Variants in TMEM237 observed in about 807,000 individuals in gnomAD.
TMEM237 encodes amyotrophic lateral sclerosis 2 (juvenile) chromosome region, candidate 4.
In TMEM237, 51 loss-of-function variants were observed where a neutral mutation model predicts 59.1. The observed-to-expected ratio is 0.86, with a 90% CI of 0.69 to 1.09. The LOEUF (loss-of-function observed/expected upper bound fraction) is 1.09, where lower values mean the gene tolerates loss of function less well. Among genes scored for constraint, TMEM237 ranks in the 50% least tolerant of loss-of-function variants. The pLI, the probability that TMEM237 is intolerant of heterozygous loss-of-function variation, is 0.00. For synonymous variants in TMEM237, 140 were observed against 166.1 expected (o/e 0.84, Z 1.21); for missense variants, 475 against 478.3 (o/e 0.99, Z 0.06).
Position 201,643,309 on chromosome 2 carries a change from T to C in TMEM237, c.42+50A>G. 2.1e-6 allele frequency: 3 copies of C among 1,431,874 alleles called. No homozygotes were observed. The highest frequency in any genetic ancestry group is 2.9e-6 in the Non-Finnish European group (3 of 1,049,882). The allele number at this position is 1,431,874 out of a possible 1,614,324, so 88.7% of individuals were successfully genotyped here. ...ACACACCCACCCCCACTGCCAAGTGTAGCTGTTTACCCGCCACCTCTCGAG... is the reference window on the plus strand; with the variant it reads ...ACACACCCACCCCCACTGCCAAGTGCAGCTGTTTACCCGCCACCTCTCGAG... On this transcript the variant is annotated intron_variant, in intron 1 of 12. Transcript: ENST00000409883. This position sits in a 1 kb window ranked among gnomAD's most constrained non-coding sequence, Gnocchi z 4.3.
At chr2:201,634,176 T>C (rs191966074) in intron 5 of TMEM237, among the ~76,000 whole-genome samples, 10 of 152,326 alleles carry the variant, frequency 6.6e-5, no homozygotes, top group African/African-American at 2.2e-4. Flanking sequence ...TTTCCAAGGA[T>C]AGCAGTCTCA....
intron 7 of TMEM237, 141 bp downstream of exon 7, chr2:201,631,910 T>TC: frequency 1.2e-6 from 1 of 827,912 alleles, no homozygotes. Context: ...CTCTCATGAA[T>TC]CATAGCATGA....
At chr2:201,634,793 C>A in intron 5 of TMEM237, 1 of 359,078 alleles carries the variant, frequency 2.8e-6, no homozygotes, top group South Asian at 2.4e-5. Context: ...TGGCATCCCA[C>A]TTCAACTTGC....
At chr2:201,633,270 G>A (rs764953932) in intron 6 of TMEM237, 41 bp downstream of exon 6, 21 of 1,567,236 alleles carry the variant, frequency 1.3e-5, no homozygotes, top group Non-Finnish European at 1.8e-5. Context: ...AAGCATCAGG[G>A]TAATCCTGGA....
At chr2:201,629,578 A>G in intron 8 of TMEM237, 151 bp downstream of exon 8, 2 of 1,274,694 alleles carry the variant, frequency 1.6e-6, no homozygotes, top group South Asian at 3.3e-5. Context: ...TAGATCACTC[A>G]ATTCCAATAG....
rs375118752 is a variant in TMEM237 at position 201,625,368 on chromosome 2, T to A, written c.1159+658A>T. Among the ~76,000 whole-genome samples, 220 of 145,526 alleles carry A rather than the reference T, an allele frequency of 1.5e-3. 1 individual carries two copies. Among genetic ancestry groups the A allele is most frequent in the African/African-American group, 5.1e-3 (200 of 39,306 alleles). On this transcript the variant is annotated intron_variant, in intron 12 of 12. Transcript: ENST00000409883. ...CACAGCGAGACTCCATCTCCAAAAA[T>A]AAAAAATAAAAAAAAAAAGATATTC...
At chr2:201,638,241 A>ATGTTTTTG (rs1687341668) in intron 4 of TMEM237, among the ~76,000 whole-genome samples, 1 of 152,168 alleles carries the variant, frequency 6.6e-6, no homozygotes, top group African/African-American at 2.4e-5. Flanking sequence ...GATTCCTTTT[A>ATGTTTTTG]TGTTTTTGTT....
chr2:201,643,010 A>G lies in TMEM237; in HGVS notation c.42+349T>C. 1 of 1,291,100 alleles carries G rather than the reference A, an allele frequency of 7.7e-7. No homozygotes were observed. 80.0% of individuals were successfully genotyped at this position (1,291,100 alleles called of 1,614,324 possible). Reference sequence around the variant, plus strand: ...GCGAACAGATCTCTTCTGGGCAGCTACAGACCTCTCCTCGGAGGAGTCTAG... The same window carrying G: ...GCGAACAGATCTCTTCTGGGCAGCTGCAGACCTCTCCTCGGAGGAGTCTAG... On this transcript the variant is annotated intron_variant, in intron 1 of 12. Coordinates refer to ENST00000409883, the MANE Select transcript of TMEM237 (RefSeq NM_001044385.3). This position sits in a 1 kb window ranked among gnomAD's most constrained non-coding sequence, Gnocchi z 4.3.
chr2:201,630,255 A>G (rs1415644661), intron 7 of TMEM237, among the ~76,000 whole-genome samples: 1 of 152,240 alleles, frequency 6.6e-6, no homozygotes, highest in East Asian at 1.9e-4. Context: ...AGGTAAGTCA[A>G]TATTTGAAAA....
chr2:201,638,847 T>G, intron 4 of TMEM237, 142 bp downstream of exon 4: 1 of 820,876 alleles, frequency 1.2e-6, no homozygotes, highest in African/African-American at 1.7e-5. Context: ...ATTCCACTGC[T>G]TCAAACTGGC....
chr2:201,625,462 A>T (rs1452383237), intron 12 of TMEM237, among the ~76,000 whole-genome samples: 4 of 152,216 alleles, frequency 2.6e-5, no homozygotes, highest in Non-Finnish European at 5.9e-5. Context: ...CAGTTCCTCA[A>T]GCAGCATAAA....
chr2:201,642,776 G>A (rs961443479), intron 1 of TMEM237: 18 of 1,430,428 alleles, frequency 1.3e-5, no homozygotes, highest in Non-Finnish European at 1.6e-5. Context: ...GGATGTTGCG[G>A]TGAGAGGCGT....
chr2:201,634,800 T>C (rs967854373), intron 5 of TMEM237: 6 of 380,028 alleles, frequency 1.6e-5, no homozygotes, highest in Admixed American at 9.2e-5. Context: ...CCACTTCAAC[T>C]TGCCTTCCAA....
intron 6 of TMEM237, 155 bp from the exon 7 acceptor site, chr2:201,632,363 G>A: frequency 3.1e-6 from 1 of 323,428 alleles, no homozygotes; most frequent in South Asian, 1.2e-4. Context: ...ACTATTATGT[G>A]CAGCAAGTTA....
intron 5 of TMEM237, among the ~76,000 whole-genome samples, chr2:201,633,896 A>T (rs1271656173): frequency 2.0e-5 from 3 of 152,248 alleles, no homozygotes; most frequent in Non-Finnish European, 4.4e-5. Context: ...ACTGGAGAGT[A>T]ATGAGTTGTG....
chr2:201,631,660 C>G (rs767260487), intron 7 of TMEM237, among the ~76,000 whole-genome samples: 1 of 152,110 alleles, frequency 6.6e-6, no homozygotes, highest in Non-Finnish European at 1.5e-5. Context: ...AATCCAGAAA[C>G]AACCAGCATT....
At chr2:201,638,968 C>A in intron 4 of TMEM237, 21 bp downstream of exon 4, 6 of 1,569,264 alleles carry the variant, frequency 3.8e-6, no homozygotes, top group Non-Finnish European at 5.2e-6. Flanking sequence ...TGATCCCACA[C>A]AACAAAGAAT....
Position 201,643,274 on chromosome 2 carries a change from G to GCCCCCCCCCCCCCCCC in TMEM237, c.42+84_42+85insGGGGGGGGGGGGGGGG. ...CCTTAGTGATTCCCAGCTCGTTGGC[G>GCCCCCCCCCCCCCCCC]CCCCCCCACACACACCCACCCCCAC... On this transcript the variant is annotated intron_variant, in intron 1 of 12. Transcript: ENST00000409883. The surrounding 1 kb of genome is among the most constrained non-coding windows in gnomAD (Gnocchi z 4.3). 8.3e-7 allele frequency: 1 copy of GCCCCCCCCCCCCCCCC among 1,206,742 alleles called. No individual in the cohort carries two copies. The highest frequency in any genetic ancestry group is 1.2e-6 in the Non-Finnish European group (1 of 849,308). 74.8% of individuals were successfully genotyped at this position (1,206,742 alleles called of 1,614,324 possible).
chr2:201,624,388 G>T (rs1041662649), intron 12 of TMEM237, 66 bp from the exon 13 acceptor site: 2 of 1,204,446 alleles, frequency 1.7e-6, no homozygotes, highest in Non-Finnish European at 2.4e-6. Context: ...GAGTTGTATA[G>T]CTTATTTATA....
Sources: allele counts gnomAD v4.1 joint callset (sites outside exome capture counted in the v4.1 genomes callset), GRCh38; gene constraint gnomAD v4.1.1; non-coding constraint Gnocchi (gnomAD v3.1); transcripts MANE v1.5; gene names NCBI Gene and HGNC (gene_info 2026-07-23, HGNC 2026-07-21).